Variants in SCHIP1 observed in about 807,000 individuals in gnomAD.
The protein encoded by SCHIP1 is schwannomin interacting protein 1, also known as schwannomin-interacting protein 1.
Under a neutral mutation model 29.7 loss-of-function variants are expected in SCHIP1, and 8 were observed. The observed-to-expected ratio is 0.27, with a 90% CI of 0.16 to 0.49. SCHIP1 has a LOEUF of 0.49. Among genes scored for constraint, SCHIP1 ranks in the 20% least tolerant of loss-of-function variants. The pLI is 0.99. For missense variants in SCHIP1, 193 were observed against 294.6 expected, an observed-to-expected ratio of 0.66 and a Z score of 2.52; for synonymous variants, 76 against 94.9, an observed-to-expected ratio of 0.80 and a Z score of 1.16.
the SCHIP1 span, among the ~76,000 whole-genome samples, chr3:159,602,269 G>C: frequency 6.6e-6 from 1 of 152,196 alleles, no homozygotes; most frequent in Non-Finnish European, 1.5e-5. Context: ...CGAGTTTTTT[G>C]TTGGACTCTA....
chr3:159,714,248 A>G, the SCHIP1 span, among the ~76,000 whole-genome samples: 3 of 152,152 alleles, frequency 2.0e-5, no homozygotes, highest in Admixed American at 6.5e-5. Context: ...AAAATAAAAA[A>G]TAATAAAAAG....
intron 4 of SCHIP1, 179 bp from the exon 6 acceptor site, chr3:159,888,640 AT>A (rs1217804943): frequency 5.5e-6 from 4 of 722,336 alleles, no homozygotes; most frequent in Admixed American, 3.6e-5. Flanking sequence ...CCAGTTGCAT[AT>A]TAGGTAATGT....
rs560055193 is a variant in SCHIP1 at position 159,882,205 on chromosome 3, A to T, written c.150-4002A>T. On this transcript the variant is annotated intron_variant, in intron 2 of 6. Coordinates refer to ENST00000445224, the Ensembl canonical transcript of SCHIP1. ...GGTTGTCACAGGTCTGTGGCAAGTC[A>T]TTTGACTTCTCTGAGTAACTATATC... Among the ~76,000 whole-genome samples the T allele has an allele frequency of 1.1e-4, 16 of 152,214 alleles. 1 individual carries two copies. The highest frequency in any genetic ancestry group is 9.8e-4 in the Admixed American group (15 of 15,280).
the SCHIP1 span, among the ~76,000 whole-genome samples, chr3:159,830,126 T>C: frequency 5.3e-5 from 8 of 152,228 alleles, no homozygotes; most frequent in Non-Finnish European, 1.2e-4. Flanking sequence ...ATTCTTTCGA[T>C]GTGGCACAAC....
the SCHIP1 span, among the ~76,000 whole-genome samples, chr3:159,345,576 C>T: frequency 1.3e-5 from 2 of 151,964 alleles, no homozygotes; most frequent in Admixed American, 1.3e-4. Flanking sequence ...CTCTCTCTCT[C>T]TCTCACTCAC....
At chr3:159,460,888 G>T in the SCHIP1 span, among the ~76,000 whole-genome samples, 3 of 152,276 alleles carry the variant, frequency 2.0e-5, no homozygotes, top group Middle Eastern at 3.4e-3. Flanking sequence ...AAAAAAATCT[G>T]TAGTGTTCCT....
the SCHIP1 span, among the ~76,000 whole-genome samples, chr3:159,330,430 C>T: frequency 6.6e-6 from 1 of 152,128 alleles, no homozygotes; most frequent in Non-Finnish European, 1.5e-5. Context: ...TTCTTCAAGT[C>T]AAATTAGTAT....
chr3:159,309,106 C>T, the SCHIP1 span: 2 of 164,960 alleles, frequency 1.2e-5, no homozygotes, highest in African/African-American at 2.4e-5. Flanking sequence ...TGTGACAAAT[C>T]TGCACATGTA....
At chr3:159,673,462 C>G in the SCHIP1 span, among the ~76,000 whole-genome samples, 4 of 152,190 alleles carry the variant, frequency 2.6e-5, no homozygotes, top group African/African-American at 9.7e-5. Flanking sequence ...TTAAATTGAT[C>G]AAAAAGGCAT....
chr3:159,803,466 A>G, the SCHIP1 span, among the ~76,000 whole-genome samples: 1 of 152,210 alleles, frequency 6.6e-6, no homozygotes, highest in Admixed American at 6.5e-5. Flanking sequence ...AGGAGCCCAC[A>G]TCTTTAAAAA....
At chr3:159,683,728 C>G in the SCHIP1 span, among the ~76,000 whole-genome samples, 1 of 152,154 alleles carries the variant, frequency 6.6e-6, no homozygotes, top group African/African-American at 2.4e-5. Context: ...TTGTGGGAGA[C>G]AGGGTGGGAG....
At chr3:159,859,789 G>A (rs1239559749) in intron 1 of SCHIP1, among the ~76,000 whole-genome samples, 1 of 152,180 alleles carries the variant, frequency 6.6e-6, no homozygotes, top group Non-Finnish European at 1.5e-5. Context: ...TAAAGCTGTG[G>A]TTCTCAAAGT....
intron 1 of SCHIP1, among the ~76,000 whole-genome samples, chr3:159,864,422 A>G (rs957747101): frequency 1.3e-5 from 2 of 151,522 alleles, no homozygotes; most frequent in African/African-American, 4.8e-5. Context: ...CATCTGTAAA[A>G]AAAACAAAAA....
chr3:159,480,715 G>A, the SCHIP1 span, among the ~76,000 whole-genome samples: 1 of 152,020 alleles, frequency 6.6e-6, no homozygotes, highest in Non-Finnish European at 1.5e-5. Flanking sequence ...CATTGTGAAG[G>A]TTTGACTCAT....
the SCHIP1 span, among the ~76,000 whole-genome samples, chr3:159,652,612 T>G: frequency 6.6e-6 from 1 of 152,066 alleles, no homozygotes. Flanking sequence ...AAGGACATAC[T>G]AAGAGTGATT....
chr3:159,635,572 T>C, the SCHIP1 span, among the ~76,000 whole-genome samples: 1 of 152,212 alleles, frequency 6.6e-6, no homozygotes, highest in Admixed American at 6.5e-5. Context: ...CTCAGGTTCT[T>C]CTGTGTGACA....
At chr3:159,676,868 G>T in the SCHIP1 span, among the ~76,000 whole-genome samples, 1 of 152,114 alleles carries the variant, frequency 6.6e-6, no homozygotes, top group East Asian at 1.9e-4. Context: ...GACAATAATA[G>T]TTCCTTGAAA....
the SCHIP1 span, among the ~76,000 whole-genome samples, chr3:159,285,449 G>A: frequency 6.6e-6 from 1 of 152,074 alleles, no homozygotes; most frequent in East Asian, 1.9e-4. Flanking sequence ...TAAGCAGTAT[G>A]TAGCTGAATT....
At chr3:159,588,218 AGTG>A in the SCHIP1 span, among the ~76,000 whole-genome samples, 1 of 152,190 alleles carries the variant, frequency 6.6e-6, no homozygotes, top group Non-Finnish European at 1.5e-5. Context: ...TCTGATGGCC[AGTG>A]ATGATGAGCA....
Sources: allele counts gnomAD v4.1 joint callset (sites outside exome capture counted in the v4.1 genomes callset), GRCh38; gene constraint gnomAD v4.1.1; transcripts MANE v1.5; gene names NCBI Gene and HGNC (gene_info 2026-07-23, HGNC 2026-07-21).